Variants in SLC12A8 observed in about 807,000 individuals in gnomAD.
SLC12A8 encodes the protein solute carrier family 12 member 8.
A neutral mutation model predicts 75.6 loss-of-function variants in SLC12A8; 69 were observed. The observed-to-expected ratio is 0.91, with a 90% CI of 0.75 to 1.11. SLC12A8 has a LOEUF of 1.11. Among genes scored for constraint, SLC12A8 ranks in the 50% most tolerant of loss-of-function variants. The pLI is 0.00. For missense variants in SLC12A8, 877 were observed against 896.7 expected, an observed-to-expected ratio of 0.98 and a Z score of 0.28; for synonymous variants, 365 against 372.8, an observed-to-expected ratio of 0.98 and a Z score of 0.24.
At chr3:125,110,394 C>T (rs1939158601) in intron 8 of SLC12A8, 59 bp from the exon 9 acceptor site, 1 of 1,553,992 alleles carries the variant, frequency 6.4e-7, no homozygotes, top group Non-Finnish European at 8.8e-7. Flanking sequence ...CCTTTCTACC[C>T]CCCCAGCACC....
intron 5 of SLC12A8, among the ~76,000 whole-genome samples, chr3:125,158,733 A>T (rs925294263): frequency 6.6e-6 from 1 of 152,202 alleles, no homozygotes; most frequent in Admixed American, 6.5e-5. Flanking sequence ...GAAGGGTGTC[A>T]CCATGCAAAT....
chr3:125,199,195 T>C (rs751749727), intron 2 of SLC12A8, among the ~76,000 whole-genome samples: 21 of 152,216 alleles, frequency 1.4e-4, no homozygotes, highest in Non-Finnish European at 1.9e-4. Flanking sequence ...TAAAAGGACA[T>C]GATGTCTGCA....
intron 5 of SLC12A8, among the ~76,000 whole-genome samples, chr3:125,143,306 C>G (rs1288067614): frequency 6.6e-6 from 1 of 152,164 alleles, no homozygotes; most frequent in African/African-American, 2.4e-5. Context: ...GGCTGTATTG[C>G]GTTGGACTGT....
Position 125,083,362 on chromosome 3 carries a change from T to C in SLC12A8, c.*528A>G, listed in dbSNP as rs1938376101. On this transcript the variant is annotated 3_prime_UTR_variant, in exon 14 of 14. Transcript: ENST00000469902. ...GCACCATTCCTGATGTCACCCTGGG[T>C]GAGACGTGGTCCTCAGAATCCAGAT... 1.3e-5 allele frequency: 2 copies of C among 158,268 alleles called. No individual in the cohort carries two copies. Among genetic ancestry groups the C allele is most frequent in the South Asian group, 3.6e-4 (2 of 5,482 alleles). The allele number at this position is 158,268 out of a possible 1,614,324, so 9.8% of individuals were successfully genotyped here.
intron 6 of SLC12A8, among the ~76,000 whole-genome samples, chr3:125,128,880 C>T (rs1462503181): frequency 1.3e-5 from 2 of 152,162 alleles, no homozygotes; most frequent in Non-Finnish European, 2.9e-5. Flanking sequence ...GAGGGGTGAG[C>T]ACTAACAGCC....
chr3:125,158,383 G>A (rs2107776165), intron 5 of SLC12A8, among the ~76,000 whole-genome samples: 1 of 152,182 alleles, frequency 6.6e-6, no homozygotes, highest in East Asian at 1.9e-4. Flanking sequence ...ACCACGCCCA[G>A]CTAATTTTTG....
At chr3:125,138,311 G>A (rs950478720) in intron 5 of SLC12A8, among the ~76,000 whole-genome samples, 1 of 152,170 alleles carries the variant, frequency 6.6e-6, no homozygotes, top group African/African-American at 2.4e-5. Context: ...TGAGGCGAGA[G>A]GATTGCTTGA....
Position 125,108,048 on chromosome 3 carries a change from C to A in SLC12A8, c.1138G>T (p.Val380Leu). Residue 380 changes from valine (V) to leucine (L), a missense_variant, in exon 10 of 14, where the codon GTG becomes TTG. By Grantham distance (32) the Val-to-Leu change is conservative. Coordinates refer to ENST00000469902, the MANE Select transcript of SLC12A8 (RefSeq NM_024628.6). ...VTMAFVFVGQ[V>L]NVLAPIVTIN... The stretch of plus-strand genomic sequence containing the variant: ...GTGACGATGGGGGCCAGAACGTTCA[C>A]TTGACCCACAAAAACAAAGGCCATG... 6.2e-7 allele frequency: 1 copy of A among 1,614,194 alleles called. No homozygotes were observed. Among genetic ancestry groups the A allele is most frequent in the Non-Finnish European group, 8.5e-7 (1 of 1,180,038 alleles).
chr3:125,125,236 T>G (rs72480431), intron 6 of SLC12A8, among the ~76,000 whole-genome samples: 19,522 of 152,166 alleles, frequency 0.13, 1,581 homozygotes, highest in Middle Eastern at 0.24. Flanking sequence ...GACACTTTTC[T>G]TGGCGGGCTT....
At chr3:125,208,910 C>T (rs763162386) in intron 2 of SLC12A8, among the ~76,000 whole-genome samples, 1 of 152,046 alleles carries the variant, frequency 6.6e-6, no homozygotes, top group Non-Finnish European at 1.5e-5. Context: ...TGTCCCCACC[C>T]TTGCCAAACT....
chr3:125,092,164 A>G lies in SLC12A8; in HGVS notation c.1740T>C (p.Asp580=). 1 of 1,613,018 alleles carries G rather than the reference A, an allele frequency of 6.2e-7. No homozygotes were observed. The highest frequency in any genetic ancestry group is 1.7e-5 in the Admixed American group (1 of 59,984). Residue 580 remains aspartate, a synonymous_variant, in exon 11 of 14, where the codon GAT becomes GAC. Coordinates refer to ENST00000469902, the MANE Select transcript of SLC12A8 (RefSeq NM_024628.6). Reference sequence around the variant, plus strand: ...AGAAAGAAGTGGATCTTCTCCAGACATCTTGTTCTTGGAGCCTGGACTTCA... The same window carrying G: ...AGAAAGAAGTGGATCTTCTCCAGACGTCTTGTTCTTGGAGCCTGGACTTCA... ...FFLKSRLQEQ[D]VWRRSTSFYT... is the part of the protein sequence containing the mutation.
chr3:125,159,996 T>C (rs1934133532), intron 5 of SLC12A8, among the ~76,000 whole-genome samples: 1 of 152,246 alleles, frequency 6.6e-6, no homozygotes, highest in African/African-American at 2.4e-5. Flanking sequence ...TCTCGCTCTG[T>C]CGCCCAGGCT....
At chr3:125,129,951 C>T (rs1380996034) in intron 6 of SLC12A8, among the ~76,000 whole-genome samples, 6 of 152,122 alleles carry the variant, frequency 3.9e-5, no homozygotes, top group African/African-American at 9.7e-5. Flanking sequence ...TGACCTCTGT[C>T]GGGTCCTTCA....
intron 2 of SLC12A8, 70 bp downstream of exon 2, chr3:125,211,229 C>T: frequency 2.4e-6 from 3 of 1,268,222 alleles, no homozygotes; most frequent in Non-Finnish European, 3.5e-6. Flanking sequence ...ATGTTTGCAT[C>T]CAGCCCACTG....
intron 3 of SLC12A8, among the ~76,000 whole-genome samples, 157 bp downstream of exon 3, chr3:125,190,218 C>T (rs908494995): frequency 2.0e-5 from 3 of 152,230 alleles, no homozygotes; most frequent in Admixed American, 2.0e-4. Context: ...GCTCATTTAA[C>T]AAGCAATGCT....
At chr3:125,120,056 A>G (rs1032488850) in intron 7 of SLC12A8, among the ~76,000 whole-genome samples, 1 of 152,108 alleles carries the variant, frequency 6.6e-6, no homozygotes, top group Admixed American at 6.5e-5. Flanking sequence ...CTGGGTGCTG[A>G]GCTTCCACTG....
At chr3:125,105,908 T>A (rs1168879947) in intron 10 of SLC12A8, among the ~76,000 whole-genome samples, 6 of 152,178 alleles carry the variant, frequency 3.9e-5, no homozygotes, top group African/African-American at 1.4e-4. Context: ...TGGGTCCCTG[T>A]AATCTCAGCT....
At chr3:125,129,612 G>C (rs2107757050) in intron 6 of SLC12A8, among the ~76,000 whole-genome samples, 1 of 152,264 alleles carries the variant, frequency 6.6e-6, no homozygotes, top group East Asian at 1.9e-4. Context: ...GGAGGATGGG[G>C]GGCTGGGGAC....
chr3:125,146,456 AAAAC>A (rs1357643219), intron 5 of SLC12A8, among the ~76,000 whole-genome samples: 2 of 152,240 alleles, frequency 1.3e-5, no homozygotes, highest in Admixed American at 6.5e-5. Flanking sequence ...ACCACAATAA[AAAAC>A]AAAACAAAAC....
Sources: gnomAD v4.1 joint callset for allele counts (sites outside exome capture counted in the v4.1 genomes callset) on GRCh38, gnomAD v4.1.1 for gene constraint, MANE v1.5 for transcripts, NCBI Gene and HGNC (gene_info 2026-07-23, HGNC 2026-07-21) for gene names.